The following ZNF490 variants were observed in gnomAD, a reference collection of about 807,000 sequenced individuals.
ZNF490 encodes the protein zinc finger protein 490.
In ZNF490, 11 loss-of-function variants were observed where a neutral mutation model predicts 17.7. The ratio of observed to expected loss-of-function variants is 0.62; its 90% CI spans 0.39 to 1.03. The LOEUF (loss-of-function observed/expected upper bound fraction) is 1.03, where lower values mean the gene tolerates loss of function less well. ZNF490 is among the 50% of genes least tolerant of loss of function. The pLI is 0.00. For synonymous variants in ZNF490, 222 were observed against 216.1 expected (o/e 1.03, Z -0.24); for missense variants, 542 against 643.4 (o/e 0.84, Z 1.71).
chr19:12,583,791 C>CTCTCTATATATATA (rs1315571249), intron 2 of ZNF490, among the ~76,000 whole-genome samples: 1 of 68,142 alleles, frequency 1.5e-5, no homozygotes. Flanking sequence ...CTCTCTCTCT[C>CTCTCTATATATATA]TATATATATA....
intron 2 of ZNF490, among the ~76,000 whole-genome samples, chr19:12,594,593 T>C (rs1330408613): frequency 6.6e-6 from 1 of 152,084 alleles, no homozygotes. Flanking sequence ...ATCCGGGCAA[T>C]GATGACCAAT....
chr19:12,596,927 GA>G (rs1226463497), intron 2 of ZNF490, among the ~76,000 whole-genome samples: 1 of 152,190 alleles, frequency 6.6e-6, no homozygotes, highest in Admixed American at 6.5e-5. Flanking sequence ...ACAATCTTCG[GA>G]GACGCGGGGC....
At position 12,577,468 on chromosome 19, in the gene ZNF490, T is replaced by A; in HGVS notation, c.*3017A>T. 1 of 985,314 alleles carries A rather than the reference T, an allele frequency of 1.0e-6. No homozygotes were observed. The highest frequency in any genetic ancestry group is 1.2e-6 in the Non-Finnish European group (1 of 829,926). 61.0% of individuals were successfully genotyped at this position (985,314 alleles called of 1,614,324 possible). A position where few individuals can be genotyped will look rare whatever the true frequency, so the allele number is the denominator to read the frequency against. Reference sequence around the variant, plus strand: ...CTCAAGAATGTGAAAGGACCTGAAATGGGTTGAGTAATAATGTTCCAACCC... The same window carrying A: ...CTCAAGAATGTGAAAGGACCTGAAAAGGGTTGAGTAATAATGTTCCAACCC... On this transcript the variant is annotated 3_prime_UTR_variant, in exon 5 of 5. Coordinates refer to ENST00000311437, the MANE Select transcript of ZNF490 (RefSeq NM_020714.3).
chr19:12,603,418 G>C (rs1292252366), intron 2 of ZNF490, among the ~76,000 whole-genome samples: 1 of 152,084 alleles, frequency 6.6e-6, no homozygotes, highest in African/African-American at 2.4e-5. Flanking sequence ...GCTCAGGGAA[G>C]TCAAGGCTGC....
At chr19:12,583,127 G>C (rs1035105581) in intron 3 of ZNF490, among the ~76,000 whole-genome samples, 5 of 150,172 alleles carry the variant, frequency 3.3e-5, no homozygotes, top group Non-Finnish European at 7.4e-5. Context: ...CTGCAACCTC[G>C]GCCTCCCGGG....
chr19:12,581,447 G>A lies in ZNF490; in HGVS notation c.628C>T (p.Arg210Ter), dbSNP rs151177681. The change falls in exon 5 of 5, where the codon CGA becomes TGA. Residue 210 changes from arginine to a stop codon, truncating the protein, a stop_gained. Coordinates refer to ENST00000311437, the MANE Select transcript of ZNF490 (RefSeq NM_020714.3). LOFTEE classifies it low-confidence loss of function (END_TRUNC). ...GKTFTRSSSI[R>*]THERIHTGEK... is the part of the protein sequence containing the mutation. ...CCAGTGTGAATTCTTTCATGGGTTC[G>A]AATACTGGAGCTGCGAGTGAAGGTT... 1.2e-6 allele frequency: 2 copies of A among 1,614,212 alleles called. No homozygotes were observed. Among genetic ancestry groups the A allele is most frequent in the Non-Finnish European group, 1.7e-6 (2 of 1,180,046 alleles).
chr19:12,606,005 C>T (rs1285184338), intron 2 of ZNF490, among the ~76,000 whole-genome samples: 1 of 151,942 alleles, frequency 6.6e-6, no homozygotes, highest in Non-Finnish European at 1.5e-5. Context: ...CTCAGCCTCC[C>T]AAGTAGCTGG....
intron 2 of ZNF490, among the ~76,000 whole-genome samples, chr19:12,593,478 G>C (rs567240854): frequency 6.6e-6 from 1 of 151,924 alleles, no homozygotes; most frequent in South Asian, 2.1e-4. Flanking sequence ...TCGAACTCCT[G>C]ACCTCAAGTG....
chr19:12,602,077 T>TAC lies in ZNF490; in HGVS notation c.162+7080_162+7081insGT, dbSNP rs1386548305. On this transcript the variant is annotated intron_variant, in intron 2 of 4. Coordinates refer to ENST00000311437, the MANE Select transcript of ZNF490 (RefSeq NM_020714.3). ...ACCGTTTTTGAAACTCAGTTCACTA[T>TAC]ATACACACACACACACACACACACA... Among the ~76,000 whole-genome samples the TAC allele has an allele frequency of 2.8e-3, 165 of 59,086 alleles. 1 individual carries two copies. Among genetic ancestry groups the TAC allele is most frequent in the East Asian group, 7.4e-3 (24 of 3,254 alleles). 38.8% of individuals were successfully genotyped at this position (59,086 alleles called of 152,430 possible). A position where few individuals can be genotyped will look rare whatever the true frequency, so the allele number is the denominator to read the frequency against.
chr19:12,580,982 T>G lies in ZNF490; in HGVS notation c.1093A>C (p.Lys365Gln). ...GACTTGAAGGCTTCCCCACATTTCTTACATGTATAAGGTTGAACTCCGGTG... is the reference window on the plus strand; with the variant it reads ...GACTTGAAGGCTTCCCCACATTTCTGACATGTATAAGGTTGAACTCCGGTG... ...THTGVQPYTC[K>Q]KCGEAFKSSS... Residue 365 changes from lysine (K) to glutamine (Q), a missense_variant, in exon 5 of 5, where the codon AAG becomes CAG. Coordinates refer to ENST00000311437, the MANE Select transcript of ZNF490 (RefSeq NM_020714.3). 9.9e-6 allele frequency: 16 copies of G among 1,614,206 alleles called. No individual in the cohort carries two copies. The highest frequency in any genetic ancestry group is 1.4e-5 in the Non-Finnish European group (16 of 1,180,032).
At position 12,586,800 on chromosome 19, in the gene ZNF490, G is replaced by A. The variant is rs1183186077; in HGVS notation, c.163-3244C>T. On this transcript the variant is annotated intron_variant, in intron 2 of 4. Coordinates refer to ENST00000311437, the MANE Select transcript of ZNF490 (RefSeq NM_020714.3). Reference sequence around the variant, plus strand: ...GATAAAAAAGAACACCTGGCCAGGCGTGGCTCACGCCTGTAATCCCAGAAC... The same window carrying A: ...GATAAAAAAGAACACCTGGCCAGGCATGGCTCACGCCTGTAATCCCAGAAC... 5.3e-5 allele frequency among the ~76,000 whole-genome samples: 5 copies of A among 93,790 alleles called. 2 individuals carry two copies. The highest frequency in any genetic ancestry group is 2.0e-4 in the East Asian group (1 of 4,906). 61.5% of individuals were successfully genotyped at this position (93,790 alleles called of 152,430 possible).
Position 12,578,317 on chromosome 19 carries a change from T to A in ZNF490, c.*2168A>T, listed in dbSNP as rs2022673033. ...AGACATGGCAGAGTGTGTCTGTGAC[T>A]CCACTAGCAGTTTTGAGATTATTCT... On this transcript the variant is annotated 3_prime_UTR_variant, in exon 5 of 5. Transcript: ENST00000311437. 1.6e-5 allele frequency: 16 copies of A among 985,474 alleles called. No individual in the cohort carries two copies. Among genetic ancestry groups the A allele is most frequent in the Non-Finnish European group, 1.9e-5 (16 of 830,044 alleles). The allele number at this position is 985,474 out of a possible 1,614,324, so 61.0% of individuals were successfully genotyped here. A position where few individuals can be genotyped will look rare whatever the true frequency, so the allele number is the denominator to read the frequency against.
chr19:12,587,243 T>C (rs1401134588), intron 2 of ZNF490, among the ~76,000 whole-genome samples: 1 of 85,424 alleles, frequency 1.2e-5, no homozygotes, highest in African/African-American at 3.5e-5. Context: ...CTCAAAGGAC[T>C]CTCACCTCAG....
At chr19:12,591,832 CAA>C (rs796408387) in intron 2 of ZNF490, among the ~76,000 whole-genome samples, 8 of 106,826 alleles carry the variant, frequency 7.5e-5, no homozygotes, top group African/African-American at 1.9e-4. Context: ...CAGACAGTTA[CAA>C]AAAAAAAAAA....
At chr19:12,596,420 C>T (rs577362063) in intron 2 of ZNF490, among the ~76,000 whole-genome samples, 1 of 152,236 alleles carries the variant, frequency 6.6e-6, no homozygotes, top group East Asian at 1.9e-4. Flanking sequence ...ATGGTCACGC[C>T]TATAATACCA....
rs2022691688 is a variant in ZNF490 at position 12,579,332 on chromosome 19, CCT to C, written c.*1151_*1152del. 2 of 150,928 alleles carry C rather than the reference CCT, an allele frequency of 1.3e-5. No individual in the cohort carries two copies. The highest frequency in any genetic ancestry group is 2.9e-5 in the Non-Finnish European group (2 of 67,836). The allele number at this position is 150,928 out of a possible 1,614,324, so 9.3% of individuals were successfully genotyped here. A position where few individuals can be genotyped will look rare whatever the true frequency, so the allele number is the denominator to read the frequency against. On this transcript the variant is annotated 3_prime_UTR_variant, in exon 5 of 5. Transcript: ENST00000311437. ...TTGGGAGGCCAAGGCAGGTGGATTA[CCT>C]GAGGTCAGGAGTTCAAGACCAGCCT... is the stretch of plus-strand genomic sequence containing the variant.
At chr19:12,584,789 G>A (rs1306339646) in intron 2 of ZNF490, among the ~76,000 whole-genome samples, 1 of 94,052 alleles carries the variant, frequency 1.1e-5, no homozygotes, top group African/African-American at 3.2e-5. Flanking sequence ...GAAGGATCTC[G>A]GGCCATTAGA....
rs770838942 is a variant in ZNF490, at chr19:12,581,139, C to T, written c.936G>A (p.Gly312=). 1.9e-6 allele frequency: 3 copies of T among 1,614,108 alleles called. No individual in the cohort carries two copies. In the South Asian group the frequency reaches 3.3e-5, roughly 18 times the overall value. Residue 312 remains glycine, a synonymous_variant, in exon 5 of 5, where the codon GGG becomes GGA. Coordinates refer to ENST00000311437, the MANE Select transcript of ZNF490 (RefSeq NM_020714.3). ...GEKPYECKQC[G]KAFSCPTYLR... is the part of the protein sequence containing the mutation. The stretch of plus-strand genomic sequence containing the variant: ...AGTACGTGGGACAACTGAAGGCTTT[C>T]CCACATTGCTTACATTCATAAGGTT...
chr19:12,578,964 G>A lies in ZNF490; in HGVS notation c.*1521C>T. The A allele has an allele frequency of 1.0e-6, 1 of 985,536 alleles. No homozygotes were observed. The highest frequency in any genetic ancestry group is 1.2e-6 in the Non-Finnish European group (1 of 830,050). 61.0% of individuals were successfully genotyped at this position (985,536 alleles called of 1,614,324 possible). ...GTGGGTGGTTTCATGGTTTTAAAAT[G>A]AACTGGAGGCCGGGCGCGGTGGCTC... is the stretch of plus-strand genomic sequence containing the variant. On this transcript the variant is annotated 3_prime_UTR_variant, in exon 5 of 5. Transcript: ENST00000311437.
Sources: allele counts gnomAD v4.1 joint callset (sites outside exome capture counted in the v4.1 genomes callset), GRCh38; gene constraint gnomAD v4.1.1; transcripts MANE v1.5; gene names NCBI Gene and HGNC (gene_info 2026-07-23, HGNC 2026-07-21).